UNC13C: variants seen among roughly 807,000 people sequenced by gnomAD.
The protein encoded by UNC13C is unc-13 homolog C.
Under a neutral mutation model 245.4 loss-of-function variants are expected in UNC13C, and 174 were observed. The ratio of observed to expected loss-of-function variants is 0.71; its 90% CI spans 0.63 to 0.80. UNC13C has a LOEUF of 0.80. UNC13C is among the 30% of genes least tolerant of loss of function. The pLI, the probability that UNC13C is intolerant of heterozygous loss-of-function variation, is 0.00. For synonymous variants in UNC13C, 992 were observed against 895.1 expected (o/e 1.11, Z -1.93); for missense variants, 2,829 against 2,602.9 (o/e 1.09, Z -1.89).
chr15:53,860,269 T>C, the UNC13C span, among the ~76,000 whole-genome samples: 5 of 152,146 alleles, frequency 3.3e-5, no homozygotes, highest in African/African-American at 1.2e-4. Flanking sequence ...TCACATGATA[T>C]CATTTTCAAG....
In UNC13C at chr15:54,617,280, T is replaced by C. The variant is rs76608980; in HGVS notation, c.6107-5047T>C. Among the ~76,000 whole-genome samples, 1,222 of 152,210 alleles carry C rather than the reference T, an allele frequency of 8.0e-3. 18 individuals are homozygous for C. The highest frequency in any genetic ancestry group is 0.028 in the African/African-American group (1,176 of 41,554). On this transcript the variant is annotated intron_variant, in intron 30 of 32. Transcript: ENST00000260323. ...TTGTTTCATATCCTGTCTTTTAGTG[T>C]AGCCATATTTTAAATGCCATTAAAA...
At chr15:54,117,554 TC>T (rs2030346752) in intron 2 of UNC13C, among the ~76,000 whole-genome samples, 2 of 148,302 alleles carry the variant, frequency 1.3e-5, no homozygotes, top group Non-Finnish European at 3.0e-5. Context: ...TCTCTCTCTC[TC>T]TCTCTCTCTC....
intron 14 of UNC13C, among the ~76,000 whole-genome samples, chr15:54,325,578 AGGCCCC>A (rs2038279465): frequency 6.6e-6 from 1 of 151,138 alleles, no homozygotes; most frequent in African/African-American, 2.4e-5. Context: ...ACCCCTCGAC[AGGCCCC>A]GGTGTGTGAT....
chr15:54,445,760 G>A (rs544094429), intron 19 of UNC13C, among the ~76,000 whole-genome samples: 17 of 152,194 alleles, frequency 1.1e-4, no homozygotes, highest in East Asian at 5.8e-4. Flanking sequence ...CACTCTGATC[G>A]TAGTTTCTTT....
chr15:53,896,109 A>G, the UNC13C span, among the ~76,000 whole-genome samples: 1 of 152,020 alleles, frequency 6.6e-6, no homozygotes, highest in Non-Finnish European at 1.5e-5. Context: ...TTAATTGCCA[A>G]TGTAGAGTTC....
chr15:54,371,880 G>T (rs950195993), intron 17 of UNC13C, among the ~76,000 whole-genome samples: 1 of 152,056 alleles, frequency 6.6e-6, no homozygotes, highest in Non-Finnish European at 1.5e-5. Flanking sequence ...CATATTTGTG[G>T]AATGAAAAAT....
In UNC13C at chr15:54,570,578, C is replaced by A. The variant is rs558235276; in HGVS notation, c.6106+2631C>A. 1.6e-4 allele frequency among the ~76,000 whole-genome samples: 24 copies of A among 152,274 alleles called. No homozygotes were observed. In the South Asian group the frequency reaches 3.7e-3, roughly 24 times the overall value. On this transcript the variant is annotated intron_variant, in intron 30 of 32. Transcript: ENST00000260323. ...TTCTCAGTTAGTGAATCCAGGATTT[C>A]TGAGTAATATTCATTCCCTCTCTTT...
At position 53,991,441 on chromosome 15, in the gene UNC13C, A is replaced by G. The variant is rs115576873; in HGVS notation, c.-257+12514A>G. 2.3e-3 allele frequency among the ~76,000 whole-genome samples: 351 copies of G among 152,112 alleles called. 1 individual carries two copies. The highest frequency in any genetic ancestry group is 8.2e-3 in the African/African-American group (340 of 41,536). On this transcript the variant is annotated intron_variant, in intron 1 of 32. Transcript: ENST00000260323. ...AAAAAGTCCAATGTGATCAATCTTT[A>G]CCAAGTGGCTGGTCCATCTTCTTGA...
At chr15:54,051,103 C>T (rs528155581) in intron 2 of UNC13C, among the ~76,000 whole-genome samples, 1 of 152,044 alleles carries the variant, frequency 6.6e-6, no homozygotes, top group South Asian at 2.1e-4. Context: ...TTCTTTTTTG[C>T]CTTATAGAAA....
In UNC13C at chr15:54,626,990, T is replaced by C. The variant is rs1055329908; in HGVS notation, c.6522T>C (p.Asn2174=). ...SYGAWYPLLK[N]ISMDETGLTI... ...GGGCATGGTATCCTCTTCTGAAAAA[T>C]ATCTCTATGGATGAAACTGGTTTGA... The change falls in exon 33 of 33, where the codon AAT becomes AAC. Residue 2174 remains asparagine, a synonymous_variant. Transcript: ENST00000260323. 2.5e-6 allele frequency: 4 copies of C among 1,613,306 alleles called. No homozygotes were observed. In the African/African-American group the frequency reaches 5.3e-5, roughly 22 times the overall value.
At chr15:53,973,537 T>C (rs1240584370), upstream of UNC13C, among the ~76,000 whole-genome samples, 1 of 151,964 alleles carries the variant, frequency 6.6e-6, no homozygotes, top group East Asian at 1.9e-4. Context: ...GTCTGAGCTC[T>C]TCAATGCTGT....
In UNC13C at chr15:54,329,429, T is replaced by C. The variant is rs568885901; in HGVS notation, c.4426-2614T>C. Among the ~76,000 whole-genome samples, 7 of 152,066 alleles carry C rather than the reference T, an allele frequency of 4.6e-5. No individual in the cohort carries two copies. The South Asian group carries it at 1.5e-3, about 32-fold the overall frequency. On this transcript the variant is annotated intron_variant, in intron 14 of 32. Transcript: ENST00000260323. ...ATTATAGTATTTATTATTATTTTTA[T>C]TATTGATTTGCCCCCTGCTAGACAT...
chr15:54,071,007 T>C (rs1043685762), intron 2 of UNC13C, among the ~76,000 whole-genome samples: 2 of 152,222 alleles, frequency 1.3e-5, no homozygotes, highest in African/African-American at 4.8e-5. Flanking sequence ...GCAGTTTTTT[T>C]AACTTTATAA....
At chr15:54,311,818 A>AAAAC (rs2037880364) in intron 13 of UNC13C, among the ~76,000 whole-genome samples, 1 of 151,822 alleles carries the variant, frequency 6.6e-6, no homozygotes, top group African/African-American at 2.4e-5. Context: ...ATGATATTTT[A>AAAAC]AAACATTATA....
chr15:53,898,598 G>C, the UNC13C span, among the ~76,000 whole-genome samples: 1 of 152,126 alleles, frequency 6.6e-6, no homozygotes, highest in Admixed American at 6.5e-5. Flanking sequence ...AGGGAGCAGG[G>C]AGCTGACTAT....
At chr15:54,596,317 G>A (rs2141263907) in intron 30 of UNC13C, among the ~76,000 whole-genome samples, 2 of 152,294 alleles carry the variant, frequency 1.3e-5, no homozygotes, top group South Asian at 4.1e-4. Flanking sequence ...GCCTCCCTGT[G>A]AATTTTAGAT....
At chr15:54,226,668 C>A (rs1347996378) in intron 4 of UNC13C, among the ~76,000 whole-genome samples, 3 of 152,180 alleles carry the variant, frequency 2.0e-5, no homozygotes, top group Non-Finnish European at 2.9e-5. Flanking sequence ...AGCCTGGGGT[C>A]CAGCCACGGT....
intron 19 of UNC13C, among the ~76,000 whole-genome samples, chr15:54,464,179 G>A (rs1218684971): frequency 6.6e-6 from 1 of 152,016 alleles, no homozygotes; most frequent in African/African-American, 2.4e-5. Context: ...TAATATCCTA[G>A]GTGAAAAACA....
intron 4 of UNC13C, among the ~76,000 whole-genome samples, chr15:54,214,906 T>C (rs1370196917): frequency 2.0e-5 from 3 of 151,874 alleles, no homozygotes; most frequent in Non-Finnish European, 4.4e-5. Flanking sequence ...ACACCCTAAA[T>C]TGAGACCCTA....
Sources: allele counts gnomAD v4.1 joint callset (sites outside exome capture counted in the v4.1 genomes callset), GRCh38; gene constraint gnomAD v4.1.1; transcripts MANE v1.5; gene names NCBI Gene and HGNC (gene_info 2026-07-23, HGNC 2026-07-21).